The following PALLD variants were observed in gnomAD, a reference collection of about 807,000 sequenced individuals.
PALLD encodes palladin.
A neutral mutation model predicts 123.5 loss-of-function variants in PALLD; 61 were observed. The observed-to-expected ratio is 0.49, with a 90% CI of 0.40 to 0.61. The LOEUF (loss-of-function observed/expected upper bound fraction) is 0.61, where lower values mean the gene tolerates loss of function less well. PALLD is among the 20% of genes least tolerant of loss of function. The probability of loss-of-function intolerance (pLI) is 0.00; values close to 1 mark genes in which losing one functional copy is unlikely to be tolerated. For missense variants in PALLD, 1,273 were observed against 1,377.0 expected, an observed-to-expected ratio of 0.92 and a Z score of 1.20; for synonymous variants, 465 against 496.4, an observed-to-expected ratio of 0.94 and a Z score of 0.84.
Position 168,668,260 on chromosome 4 carries a change from C to A in PALLD, c.979C>A (p.His327Asn), listed in dbSNP as rs745866686. The change falls in exon 3 of 22, where the codon CAT becomes AAT. Residue 327 changes from histidine to asparagine, a missense_variant. His to Asn is a moderately conservative substitution (Grantham distance 68, BLOSUM62 1). This residue lies in a region of PALLD where 944 missense variants were observed against 954.5 expected (regional missense o/e 0.99). Coordinates refer to ENST00000505667, the MANE Select transcript of PALLD (RefSeq NM_001166108.2). ...IQIHCEGGDL[H>N]TLIIAEAFED... is the part of the protein sequence containing the mutation. Reference sequence around the variant, plus strand: ...AATCCACTGTGAGGGAGGGGACCTCCATACCCTGATCATAGCAGAGGCCTT... The same window carrying A: ...AATCCACTGTGAGGGAGGGGACCTCAATACCCTGATCATAGCAGAGGCCTT... 3 of 1,613,954 alleles carry A rather than the reference C, an allele frequency of 1.9e-6. No homozygotes were observed. In the South Asian group the frequency reaches 3.3e-5, roughly 18 times the overall value.
At chr4:168,666,311 C>T (rs1448131240) in intron 2 of PALLD, among the ~76,000 whole-genome samples, 1 of 152,176 alleles carries the variant, frequency 6.6e-6, no homozygotes, top group Non-Finnish European at 1.5e-5. Context: ...TGTAGAAACA[C>T]TCTAATTCAC....
In PALLD at chr4:168,867,295, C is replaced by T. The variant is rs183403828; in HGVS notation, c.1965-23627C>T. 1.8e-3 allele frequency among the ~76,000 whole-genome samples: 270 copies of T among 152,282 alleles called. 1 individual carries two copies. Among genetic ancestry groups the T allele is most frequent in the African/African-American group, 5.9e-3 (247 of 41,558 alleles). ...ACTAGATGTGGTGACGCTGTTGGTG[C>T]TGGCAGTAGTAGTAGCAATAGTCAT... On this transcript the variant is annotated intron_variant, in intron 10 of 21. Transcript: ENST00000505667.
At chr4:168,744,442 C>G (rs1788660323) in intron 10 of PALLD, among the ~76,000 whole-genome samples, 1 of 152,104 alleles carries the variant, frequency 6.6e-6, no homozygotes. Context: ...CTCTGTGTCT[C>G]TAGGCTATAG....
At position 168,782,753 on chromosome 4, in the gene PALLD, A is replaced by AT. The variant is rs201057722; in HGVS notation, c.1964+70830_1964+70831insT. 8.4e-3 allele frequency among the ~76,000 whole-genome samples: 1,279 copies of AT among 152,100 alleles called. 57 individuals are homozygous for AT. In the East Asian group the frequency reaches 0.16, roughly 19 times the overall value. ...GTGAAATCCTGTCTTTACTAAAAAA[A>AT]AAAATAAAAAAATTAGCTTGGCATG... is the stretch of plus-strand genomic sequence containing the variant. On this transcript the variant is annotated intron_variant, in intron 10 of 21. Coordinates refer to ENST00000505667, the MANE Select transcript of PALLD (RefSeq NM_001166108.2).
intron 10 of PALLD, among the ~76,000 whole-genome samples, chr4:168,795,190 A>G (rs900892829): frequency 2.5e-4 from 38 of 152,230 alleles, no homozygotes; most frequent in Non-Finnish European, 3.2e-4. Flanking sequence ...ATAGGGACAC[A>G]CAAACATTCA....
chr4:168,722,363 T>C (rs951598291), intron 10 of PALLD, among the ~76,000 whole-genome samples: 1 of 152,086 alleles, frequency 6.6e-6, no homozygotes, highest in Non-Finnish European at 1.5e-5. Flanking sequence ...ACCAAATACT[T>C]TAAAGACCAA....
chr4:168,758,770 C>A (rs796382184), intron 10 of PALLD, among the ~76,000 whole-genome samples: 2 of 152,046 alleles, frequency 1.3e-5, no homozygotes, highest in African/African-American at 4.8e-5. Flanking sequence ...CCTCCCACAT[C>A]CCCCACTTGT....
chr4:168,805,252 A>G (rs1740010143), intron 10 of PALLD, among the ~76,000 whole-genome samples: 1 of 152,108 alleles, frequency 6.6e-6, no homozygotes, highest in South Asian at 2.1e-4. Flanking sequence ...GTTAGTATTG[A>G]ATAGGTCAAC....
At position 168,688,941 on chromosome 4, in the gene PALLD, A is replaced by G. The variant is rs1188949026; in HGVS notation, c.1336-1662A>G. On this transcript the variant is annotated intron_variant, in intron 6 of 21. Transcript: ENST00000505667. ...GGTTAATCCGTAGAAGCTGGACCCC[A>G]TAAGTGACACTTACCCTGTTTTGAT... Among the ~76,000 whole-genome samples, 6 of 152,354 alleles carry G rather than the reference A, an allele frequency of 3.9e-5. No homozygotes were observed. The East Asian group carries it at 5.8e-4, about 15-fold the overall frequency.
In PALLD at chr4:168,820,588, A is replaced by C. The variant is rs549188497; in HGVS notation, c.1965-70334A>C. Among the ~76,000 whole-genome samples the C allele has an allele frequency of 5.9e-5, 9 of 152,264 alleles. No homozygotes were observed. In the East Asian group the frequency reaches 7.7e-4, roughly 13 times the overall value. On this transcript the variant is annotated intron_variant, in intron 10 of 21. Coordinates refer to ENST00000505667, the MANE Select transcript of PALLD (RefSeq NM_001166108.2). Reference sequence around the variant, plus strand: ...TATGTTGAGATTTAGACAAAGTATCAGCCTTGGGATTTACACCCAAAGCAT... The same window carrying C: ...TATGTTGAGATTTAGACAAAGTATCCGCCTTGGGATTTACACCCAAAGCAT...
chr4:168,673,384 G>A (rs1025372915), intron 3 of PALLD, among the ~76,000 whole-genome samples: 21 of 152,012 alleles, frequency 1.4e-4, no homozygotes, highest in African/African-American at 4.8e-4. Context: ...AGAGTGCTCC[G>A]GACCAAGGGA....
At chr4:168,662,812 A>G (rs113669796) in intron 2 of PALLD, among the ~76,000 whole-genome samples, 6 of 152,244 alleles carry the variant, frequency 3.9e-5, no homozygotes, top group African/African-American at 1.2e-4. Flanking sequence ...ACATGACTGT[A>G]GCACACCCAT....
rs1405487605 is a variant in PALLD at position 168,927,843 on chromosome 4, A to C, written c.*1663A>C. 5 of 213,572 alleles carry C rather than the reference A, an allele frequency of 2.3e-5. No individual in the cohort carries two copies. The highest frequency in any genetic ancestry group is 3.8e-5 in the Non-Finnish European group (4 of 105,408). 13.2% of individuals were successfully genotyped at this position (213,572 alleles called of 1,614,324 possible). A position where few individuals can be genotyped will look rare whatever the true frequency, so the allele number is the denominator to read the frequency against. On this transcript the variant is annotated 3_prime_UTR_variant, in exon 22 of 22. Transcript: ENST00000505667. ...AAATAATTTGACCTAGTAGTATAAA[A>C]CATGAGGCTTTAATGGTACTTTGCT...
chr4:168,796,016 G>C lies in PALLD; in HGVS notation c.1964+84093G>C, dbSNP rs75736008. On this transcript the variant is annotated intron_variant, in intron 10 of 21. Coordinates refer to ENST00000505667, the MANE Select transcript of PALLD (RefSeq NM_001166108.2). ...TGAAATCATGGAGAATGGGGTACCC[G>C]TCCCCTGAATCATTTATCCTTTGTG... Among the ~76,000 whole-genome samples, 510 of 152,202 alleles carry C rather than the reference G, an allele frequency of 3.4e-3. 1 individual carries two copies. The highest frequency in any genetic ancestry group is 0.012 in the African/African-American group (492 of 41,510).
intron 10 of PALLD, among the ~76,000 whole-genome samples, chr4:168,822,519 C>T (rs1742871633): frequency 6.6e-6 from 1 of 152,196 alleles, no homozygotes; most frequent in Admixed American, 6.5e-5. Context: ...TCCTATGTTG[C>T]AGCCTTCAAC....
At chr4:168,709,493 GAGTCAGACTCCATCA>G (rs1435084527) in intron 9 of PALLD, among the ~76,000 whole-genome samples, 9 of 138,498 alleles carry the variant, frequency 6.5e-5, no homozygotes, top group Non-Finnish European at 1.4e-4. Flanking sequence ...CTGGGTGACA[GAGTCAGACTCCATCA>G]AGGAAGGAAG....
At position 168,905,044 on chromosome 4, in the gene PALLD, T is replaced by C. The variant is rs917092120; in HGVS notation, c.2622+1138T>C. The stretch of plus-strand genomic sequence containing the variant: ...CAGGAGGTTGAAGCATGAGAATCAC[T>C]TGAACCTGGGATGCGGAGGTTTCAG... On this transcript the variant is annotated intron_variant, in intron 15 of 21. Coordinates refer to ENST00000505667, the MANE Select transcript of PALLD (RefSeq NM_001166108.2). Among the ~76,000 whole-genome samples the C allele has an allele frequency of 4.0e-5, 6 of 151,822 alleles. No homozygotes were observed. In the East Asian group the frequency reaches 1.2e-3, roughly 29 times the overall value.
intron 10 of PALLD, among the ~76,000 whole-genome samples, chr4:168,845,731 C>T (rs1174869989): frequency 6.6e-6 from 1 of 152,094 alleles, no homozygotes; most frequent in Non-Finnish European, 1.5e-5. Context: ...ATCATAAAAC[C>T]TCTTGTAAAA....
chr4:168,832,826 C>T (rs1323715326), intron 10 of PALLD: 1 of 152,280 alleles, frequency 6.6e-6, no homozygotes, highest in Non-Finnish European at 1.5e-5. Context: ...GGTGTTTCTT[C>T]TGGGCCTGGG....
Sources: gnomAD v4.1 joint callset for allele counts (sites outside exome capture counted in the v4.1 genomes callset) on GRCh38, gnomAD v4.1.1 for gene constraint, gnomAD v4.1.1 regional missense constraint, MANE v1.5 for transcripts, NCBI Gene and HGNC (gene_info 2026-07-23, HGNC 2026-07-21) for gene names.